PTPRE: variants seen among roughly 807,000 people sequenced by gnomAD.
PTPRE encodes protein tyrosine phosphatase receptor type E, also known as receptor-type tyrosine-protein phosphatase epsilon.
A neutral mutation model predicts 102.0 loss-of-function variants in PTPRE; 51 were observed. That is an observed-to-expected ratio of 0.50 (90% CI 0.40 to 0.63). The LOEUF (loss-of-function observed/expected upper bound fraction) is 0.63. Among genes scored for constraint, PTPRE ranks in the 30% least tolerant of loss-of-function variants. The probability of loss-of-function intolerance (pLI) is 0.00; values close to 1 mark genes in which losing one functional copy is unlikely to be tolerated. For missense variants in PTPRE, 752 were observed against 915.1 expected, an observed-to-expected ratio of 0.82 and a Z score of 2.30; for synonymous variants, 345 against 348.2, an observed-to-expected ratio of 0.99 and a Z score of 0.10.
intron 1 of PTPRE, among the ~76,000 whole-genome samples, chr10:127,914,848 T>A: frequency 6.6e-6 from 1 of 152,110 alleles, no homozygotes; most frequent in East Asian, 1.9e-4. Context: ...GGGCACGAGA[T>A]AAGGACCAAG....
chr10:127,958,727 A>G (rs1339925067), intron 1 of PTPRE, among the ~76,000 whole-genome samples: 1 of 152,124 alleles, frequency 6.6e-6, no homozygotes, highest in Non-Finnish European at 1.5e-5. Context: ...AGTGTTCCCT[A>G]TGCTTCTATC....
intron 10 of PTPRE, 64 bp downstream of exon 10, chr10:128,063,244 G>A: frequency 1.9e-6 from 3 of 1,588,506 alleles, no homozygotes; most frequent in Admixed American, 3.5e-5. Context: ...GGCTGGGGAT[G>A]TTCTTACCAC....
At chr10:128,081,134 G>A (rs1285978480) in intron 20 of PTPRE, among the ~76,000 whole-genome samples, 4 of 127,628 alleles carry the variant, frequency 3.1e-5, no homozygotes, top group African/African-American at 1.3e-4. Flanking sequence ...CTAACATTTG[G>A]CAGGGAGATT....
Position 127,944,993 on chromosome 10 carries a change from G to A in PTPRE, c.-30-37281G>A, listed in dbSNP as rs1317408322. On this transcript the variant is annotated intron_variant, in intron 1 of 20. Transcript: ENST00000254667. The surrounding 1 kb of genome is among the most constrained non-coding windows in gnomAD (Gnocchi z 4.2). ...GTGGCACCTTCTATCAAAATAATGG[G>A]GGAAAGGAAGAGAAGGCTAGGGATG... Among the ~76,000 whole-genome samples the A allele has an allele frequency of 1.3e-5, 2 of 152,154 alleles. No individual in the cohort carries two copies. The highest frequency in any genetic ancestry group is 2.9e-5 in the Non-Finnish European group (2 of 68,032).
chr10:128,013,179 G>A (rs188450187), intron 2 of PTPRE, among the ~76,000 whole-genome samples: 11 of 152,272 alleles, frequency 7.2e-5, no homozygotes, highest in Admixed American at 5.9e-4. Context: ...CAGAGTGTCA[G>A]TAAAGAAAAA....
intron 6 of PTPRE, among the ~76,000 whole-genome samples, chr10:128,054,584 C>G (rs554572924): frequency 6.6e-6 from 1 of 151,830 alleles, no homozygotes. Flanking sequence ...ACCCTCTTGC[C>G]TCTGCTTTGG....
chr10:128,056,098 A>T (rs1411053509), intron 6 of PTPRE, 25 bp from the exon 7 acceptor site: 6 of 1,547,068 alleles, frequency 3.9e-6, no homozygotes, highest in Non-Finnish European at 5.4e-6. Flanking sequence ...ATCACATTTC[A>T]TACTAATGCT....
In PTPRE at chr10:127,959,111, G is replaced by A. The variant is rs934466388; in HGVS notation, c.-30-23163G>A. Among the ~76,000 whole-genome samples, 5 of 152,144 alleles carry A rather than the reference G, an allele frequency of 3.3e-5. No homozygotes were observed. In the East Asian group the frequency reaches 9.7e-4, roughly 29 times the overall value. On this transcript the variant is annotated intron_variant, in intron 1 of 20. Transcript: ENST00000254667. Reference sequence around the variant, plus strand: ...GTGTTTCTCCATGTTGGTCAGGCTGGTCTCGAACTCCCAACCTCAAGTGAT... The same window carrying A: ...GTGTTTCTCCATGTTGGTCAGGCTGATCTCGAACTCCCAACCTCAAGTGAT...
chr10:128,001,150 A>G (rs779874283), intron 2 of PTPRE, among the ~76,000 whole-genome samples: 33 of 152,346 alleles, frequency 2.2e-4, no homozygotes, highest in Non-Finnish European at 4.0e-4. Flanking sequence ...ATTACCTTCT[A>G]ATCAACTTAT....
At chr10:127,995,741 A>G (rs922558698) in intron 2 of PTPRE, among the ~76,000 whole-genome samples, 1 of 152,174 alleles carries the variant, frequency 6.6e-6, no homozygotes, top group African/African-American at 2.4e-5. Flanking sequence ...TGAGTGTCAG[A>G]GGAAAATTGT....
Position 127,907,438 on chromosome 10 carries a change from C to T in PTPRE, c.-31+129C>T, listed in dbSNP as rs1039698470. On this transcript the variant is annotated intron_variant, in intron 1 of 20. Transcript: ENST00000254667. The surrounding 1 kb of genome is among the most constrained non-coding windows in gnomAD (Gnocchi z 4.8). ...GAGGGGCCGCTCCGGGGCTCAGAGTCCGGACCCCGGCCCCGCCGCCCCCGC... is the reference window on the plus strand; with the variant it reads ...GAGGGGCCGCTCCGGGGCTCAGAGTTCGGACCCCGGCCCCGCCGCCCCCGC... 1.5e-6 allele frequency: 1 copy of T among 688,938 alleles called. No individual in the cohort carries two copies. The highest frequency in any genetic ancestry group is 2.0e-5 in the African/African-American group (1 of 51,066). The allele number at this position is 688,938 out of a possible 1,614,324, so 42.7% of individuals were successfully genotyped here.
intron 2 of PTPRE, among the ~76,000 whole-genome samples, chr10:128,020,414 G>A (rs1431108513): frequency 2.6e-5 from 4 of 152,132 alleles, no homozygotes; most frequent in South Asian, 2.1e-4. Flanking sequence ...TTCACTGAAT[G>A]GCTGTTATTT....
At chr10:127,965,022 G>A (rs543601732) in intron 1 of PTPRE, 3 of 456,590 alleles carry the variant, frequency 6.6e-6, no homozygotes, top group South Asian at 3.1e-5. Flanking sequence ...TCGGTTTTAA[G>A]CATCTTTTTT....
intron 1 of PTPRE, among the ~76,000 whole-genome samples, chr10:127,912,364 T>C (rs1209781502): frequency 2.6e-5 from 4 of 152,224 alleles, no homozygotes; most frequent in Non-Finnish European, 4.4e-5. Context: ...GATAAAATAT[T>C]TTAAAAGGGC....
intron 10 of PTPRE, among the ~76,000 whole-genome samples, chr10:128,064,491 G>A (rs1223329312): frequency 1.3e-5 from 2 of 152,228 alleles, no homozygotes; most frequent in East Asian, 1.9e-4. Flanking sequence ...GGACACCCAC[G>A]CGAGGGAAAA....
chr10:128,041,062 T>C, intron 3 of PTPRE, 72 bp downstream of exon 3: 1 of 1,287,280 alleles, frequency 7.8e-7, no homozygotes. Context: ...CAGAGGGTGA[T>C]AAAGGGGCTT....
intron 20 of PTPRE, among the ~76,000 whole-genome samples, chr10:128,080,555 C>T (rs1006286586): frequency 1.3e-5 from 2 of 152,242 alleles, no homozygotes; most frequent in African/African-American, 4.8e-5. Flanking sequence ...CAGAGCTTCC[C>T]CTAGTCTTTT....
intron 17 of PTPRE, 134 bp from the exon 18 acceptor site, chr10:128,076,469 C>A: frequency 1.2e-6 from 1 of 847,450 alleles, no homozygotes; most frequent in Non-Finnish European, 1.7e-6. Flanking sequence ...CATTTATATT[C>A]ATATTCATAT....
rs545869574 is a variant in PTPRE at position 127,977,713 on chromosome 10, C to T, written c.-30-4561C>T. Reference sequence around the variant, plus strand: ...TGCACAATAACGTCGCTCCGTCTTTCCATATCTTGTGAGTAATCAGGACCC... The same window carrying T: ...TGCACAATAACGTCGCTCCGTCTTTTCATATCTTGTGAGTAATCAGGACCC... On this transcript the variant is annotated intron_variant, in intron 1 of 20. Transcript: ENST00000254667. 2.6e-4 allele frequency among the ~76,000 whole-genome samples: 39 copies of T among 152,358 alleles called. 1 individual carries two copies. In the South Asian group the frequency reaches 8.1e-3, roughly 32 times the overall value.
Sources: gnomAD v4.1 joint callset for allele counts (sites outside exome capture counted in the v4.1 genomes callset) on GRCh38, gnomAD v4.1.1 for gene constraint, Gnocchi (gnomAD v3.1) non-coding constraint, MANE v1.5 for transcripts, NCBI Gene and HGNC (gene_info 2026-07-23, HGNC 2026-07-21) for gene names.